PLAAT1: variants seen among roughly 807,000 people sequenced by gnomAD.
PLAAT1 encodes phospholipase A and acyltransferase 1.
Under a neutral mutation model 16.4 loss-of-function variants are expected in PLAAT1, and 13 were observed. The ratio of observed to expected loss-of-function variants is 0.79; its 90% CI spans 0.52 to 1.26. The LOEUF is 1.26. Ranked by LOEUF, PLAAT1 falls within the 50% of genes most tolerant of loss-of-function variation. The pLI is 0.00. For synonymous variants in PLAAT1, 73 were observed against 78.4 expected, an observed-to-expected ratio of 0.93 and a Z score of 0.36; for missense variants, 218 against 207.8, an observed-to-expected ratio of 1.05 and a Z score of -0.30.
In PLAAT1 at chr3:193,263,014, A is replaced by G. The variant is rs749058182; in HGVS notation, c.184A>G (p.Ser62Gly). Reference sequence around the variant, plus strand: ...TACAAGCGCCAAGTCTGTATTCAGCAGTAAGGCCCTGGTGAAAATGCAGCT... The same window carrying G: ...TACAAGCGCCAAGTCTGTATTCAGCGGTAAGGCCCTGGTGAAAATGCAGCT... ...SFTSAKSVFS[S>G]KALVKMQLLK... Residue 62 changes from serine (S) to glycine (G), a missense_variant, in exon 3 of 4, where the codon AGT becomes GGT. Transcript: ENST00000264735. 3 of 1,614,098 alleles carry G rather than the reference A, an allele frequency of 1.9e-6. No homozygotes were observed. Among genetic ancestry groups the G allele is most frequent in the Non-Finnish European group, 2.5e-6 (3 of 1,180,032 alleles).
chr3:193,247,321 A>G lies in PLAAT1; in HGVS notation c.-1+5788A>G, dbSNP rs551814162. On this transcript the variant is annotated intron_variant, in intron 1 of 3. Transcript: ENST00000264735. ...GAACTTGCACAGGGGGCTTGCCTAA[A>G]CATGCCCACAGCACACTAAGGGCCC... Among the ~76,000 whole-genome samples, 8 of 152,272 alleles carry G rather than the reference A, an allele frequency of 5.3e-5. 1 individual carries two copies. In the South Asian group the frequency reaches 1.7e-3, roughly 32 times the overall value.
intron 2 of PLAAT1, among the ~76,000 whole-genome samples, chr3:193,260,699 G>C (rs1468579682): frequency 6.6e-6 from 1 of 151,614 alleles, no homozygotes; most frequent in African/African-American, 2.4e-5. Flanking sequence ...AAAAAAAACA[G>C]ATGCTGGTGA....
intron 2 of PLAAT1, among the ~76,000 whole-genome samples, chr3:193,258,904 A>G (rs533650805): frequency 3.9e-5 from 6 of 152,274 alleles, no homozygotes; most frequent in Non-Finnish European, 7.4e-5. Context: ...AACTCATTCT[A>G]TGAAACTAGC....
rs200111488 is a variant in PLAAT1, at chr3:193,263,097, G to T, written c.267G>T (p.Thr89=). The change falls in exon 3 of 4, where the codon ACG becomes ACT. Residue 89 remains threonine, a synonymous_variant. Transcript: ENST00000264735. ...TYRINNKYDE[T]YPPLPVEEII... is the part of the protein sequence containing the mutation. ...GAATAAACAATAAATACGATGAAACGTACCCCCCTCTCCCTGTGGAAGAAA... is the reference window on the plus strand; with the variant it reads ...GAATAAACAATAAATACGATGAAACTTACCCCCCTCTCCCTGTGGAAGAAA... The T allele has an allele frequency of 1.2e-6, 2 of 1,614,034 alleles. No individual in the cohort carries two copies. Among genetic ancestry groups the T allele is most frequent in the Non-Finnish European group, 1.7e-6 (2 of 1,180,026 alleles).
At chr3:193,272,683 C>A (rs1717023367), downstream of PLAAT1, among the ~76,000 whole-genome samples, 1 of 152,182 alleles carries the variant, frequency 6.6e-6, no homozygotes, top group African/African-American at 2.4e-5. Context: ...CTGGAGAATT[C>A]TGGATGTCTC....
chr3:193,259,110 A>T (rs1485432980), intron 2 of PLAAT1, among the ~76,000 whole-genome samples: 1 of 152,208 alleles, frequency 6.6e-6, no homozygotes, highest in Non-Finnish European at 1.5e-5. Flanking sequence ...AAATCCATAA[A>T]TATGATTCAC....
intron 3 of PLAAT1, among the ~76,000 whole-genome samples, chr3:193,266,675 T>A (rs1329122966): frequency 6.6e-6 from 1 of 152,116 alleles, no homozygotes; most frequent in East Asian, 1.9e-4. Context: ...ATATTTGAGG[T>A]CTCTCAGCAT....
chr3:193,275,344 TC>T, downstream of PLAAT1: 1 of 1,598,814 alleles, frequency 6.3e-7, no homozygotes. Context: ...ATTGCGCAGG[TC>T]CCCCTGCAGC....
chr3:193,251,953 T>C (rs962054618), intron 1 of PLAAT1, among the ~76,000 whole-genome samples: 2 of 152,190 alleles, frequency 1.3e-5, no homozygotes, highest in Admixed American at 6.5e-5. Context: ...TAATGACTAA[T>C]GGCTTCCTTG....
chr3:193,249,363 G>A (rs1038171839), intron 1 of PLAAT1, among the ~76,000 whole-genome samples: 11 of 152,060 alleles, frequency 7.2e-5, no homozygotes, highest in Non-Finnish European at 1.0e-4. Context: ...GAAGGTTTTC[G>A]CAATTGCAGT....
downstream of PLAAT1, among the ~76,000 whole-genome samples, chr3:193,272,335 C>A (rs540156161): frequency 1.3e-4 from 20 of 152,170 alleles, no homozygotes; most frequent in Non-Finnish European, 2.8e-4. Context: ...CCCAGCTACT[C>A]AGGAGGCTGA....
chr3:193,265,529 T>C (rs1018221046), intron 3 of PLAAT1, among the ~76,000 whole-genome samples: 3 of 152,164 alleles, frequency 2.0e-5, no homozygotes, highest in African/African-American at 2.4e-5. Flanking sequence ...AGGTATCTTT[T>C]TGGAATGATG....
intron 3 of PLAAT1, among the ~76,000 whole-genome samples, chr3:193,267,638 G>A (rs148084926): frequency 1.1e-4 from 16 of 152,258 alleles, no homozygotes; most frequent in African/African-American, 3.9e-4. Context: ...TTGCTTCGAA[G>A]TTTTGGCAAT....
intron 1 of PLAAT1, among the ~76,000 whole-genome samples, chr3:193,251,469 T>C (rs1716189995): frequency 6.6e-6 from 1 of 152,236 alleles, no homozygotes; most frequent in Non-Finnish European, 1.5e-5. Flanking sequence ...GGGCTGATTC[T>C]GGGCACTACA....
chr3:193,262,361 G>A (rs1194684759), intron 2 of PLAAT1, among the ~76,000 whole-genome samples: 13 of 96,054 alleles, frequency 1.4e-4, no homozygotes, highest in Non-Finnish European at 2.2e-5. Flanking sequence ...TTTTTTTTCT[G>A]GCCAAAGGAA....
At chr3:193,275,067 T>C (rs1717123425), downstream of PLAAT1, 1 of 1,614,208 alleles carries the variant, frequency 6.2e-7, no homozygotes, top group African/African-American at 1.3e-5. Flanking sequence ...GAAATGCTGT[T>C]CTGTGGGTTG....
intron 1 of PLAAT1, among the ~76,000 whole-genome samples, chr3:193,248,558 C>A (rs1437841748): frequency 1.3e-5 from 2 of 151,932 alleles, no homozygotes; most frequent in African/African-American, 2.4e-5. Flanking sequence ...TGAATTCTTT[C>A]TTTTTATCTT....
At chr3:193,268,454 A>G (rs111510278) in intron 3 of PLAAT1, among the ~76,000 whole-genome samples, 4,251 of 152,292 alleles carry the variant, frequency 0.028, 84 homozygotes, top group Middle Eastern at 0.075. Flanking sequence ...TGGCCCATGG[A>G]CAGAAAGCCC....
downstream of PLAAT1, chr3:193,275,359 G>T: frequency 6.3e-7 from 1 of 1,582,098 alleles, no homozygotes; most frequent in Non-Finnish European, 8.6e-7. Flanking sequence ...CTGCAGCCAG[G>T]CCGCTGGCCA....
Sources: gnomAD v4.1 joint callset for allele counts (sites outside exome capture counted in the v4.1 genomes callset) on GRCh38, gnomAD v4.1.1 for gene constraint, MANE v1.5 for transcripts, NCBI Gene and HGNC (gene_info 2026-07-23, HGNC 2026-07-21) for gene names.